Variants in MRTFA observed in about 807,000 individuals in gnomAD.
MRTFA encodes myocardin related transcription factor A.
Under a neutral mutation model 83.5 loss-of-function variants are expected in MRTFA, and 20 were observed. That is an observed-to-expected ratio of 0.24 (90% confidence interval 0.17 to 0.35). MRTFA has a LOEUF of 0.35. Ranked by LOEUF, MRTFA falls within the 10% of genes least tolerant of loss-of-function variation. The probability of loss-of-function intolerance (pLI) is 1.00; values close to 1 mark genes in which losing one functional copy is unlikely to be tolerated. For synonymous variants in MRTFA, 659 were observed against 541.2 expected (o/e 1.22, Z -3.02); for missense variants, 1,200 against 1,224.7 (o/e 0.98, Z 0.30).
chr22:40,480,281 T>A (rs2054066372), intron 3 of MRTFA, among the ~76,000 whole-genome samples: 1 of 152,082 alleles, frequency 6.6e-6, no homozygotes, highest in Admixed American at 6.5e-5. Flanking sequence ...TTTATTTTTT[T>A]TTTTTTATGT....
intron 3 of MRTFA, among the ~76,000 whole-genome samples, chr22:40,476,991 G>T (rs1237279254): frequency 1.3e-5 from 2 of 151,874 alleles, no homozygotes; most frequent in Admixed American, 6.6e-5. Flanking sequence ...CTGAATGTGG[G>T]GTTGGTTTTA....
chr22:40,453,940 C>G (rs932842067), intron 4 of MRTFA, among the ~76,000 whole-genome samples: 1 of 152,080 alleles, frequency 6.6e-6, no homozygotes, highest in African/African-American at 2.4e-5. Context: ...ACATCTACTC[C>G]CAGGAAGAGG....
At chr22:40,488,741 G>C (rs1006498899) in intron 3 of MRTFA, among the ~76,000 whole-genome samples, 1 of 151,998 alleles carries the variant, frequency 6.6e-6, no homozygotes, top group African/African-American at 2.4e-5. Context: ...GCTGAGGCAG[G>C]AGAATCACTT....
intron 11 of MRTFA, 144 bp from the exon 12 acceptor site, chr22:40,419,528 C>A (rs1039923364): frequency 7.3e-5 from 51 of 695,814 alleles, no homozygotes; most frequent in Non-Finnish European, 1.1e-4. Context: ...GGTGCAATGC[C>A]CCCCACCACC....
rs910658487 is a variant in MRTFA at position 40,634,256 on chromosome 22, CTTTAACTT to C, written c.-84+2214_-84+2221del. On this transcript the variant is annotated intron_variant, in intron 1 of 14. Transcript: ENST00000355630. ...GTGCAAGCCACCACGTCTGCTAATT[CTTTAACTT>C]TTTTGTGGAGACAAGCTATCATTAT... Among the ~76,000 whole-genome samples the C allele has an allele frequency of 2.6e-5, 4 of 152,188 alleles. No homozygotes were observed. In the East Asian group the frequency reaches 7.7e-4, roughly 29 times the overall value.
chr22:40,599,081 T>C (rs1160357999), intron 1 of MRTFA, among the ~76,000 whole-genome samples: 3 of 150,818 alleles, frequency 2.0e-5, no homozygotes, highest in Admixed American at 6.6e-5. Context: ...GCTGATCACC[T>C]GAGGTTGGGA....
At chr22:40,631,519 G>C (rs2056641724) in intron 1 of MRTFA, among the ~76,000 whole-genome samples, 1 of 152,114 alleles carries the variant, frequency 6.6e-6, no homozygotes. Context: ...CCGGCAAGTA[G>C]AGCCAGGATT....
At chr22:40,539,675 G>T (rs1206941524) in intron 3 of MRTFA, among the ~76,000 whole-genome samples, 1 of 151,584 alleles carries the variant, frequency 6.6e-6, no homozygotes, top group Non-Finnish European at 1.5e-5. Context: ...GCTAATTTTT[G>T]TATTTTTAAT....
chr22:40,529,977 C>G lies in MRTFA; in HGVS notation c.241+22129G>C, dbSNP rs1324381679. ...GGTGTGCATACATACATGCACAAGA[C>G]AGAGAGAGAAAAAACAAAGTGACTC... On this transcript the variant is annotated intron_variant, in intron 3 of 14. Coordinates refer to ENST00000355630, the MANE Select transcript of MRTFA (RefSeq NM_020831.6). Among the ~76,000 whole-genome samples the G allele has an allele frequency of 2.6e-5, 4 of 152,066 alleles. No individual in the cohort carries two copies. In the East Asian group the frequency reaches 7.7e-4, roughly 29 times the overall value.
chr22:40,469,213 G>T (rs1213950092), intron 3 of MRTFA, among the ~76,000 whole-genome samples: 3 of 152,164 alleles, frequency 2.0e-5, no homozygotes, highest in African/African-American at 7.2e-5. Flanking sequence ...CAAACCTCAT[G>T]CTGAGATATG....
chr22:40,491,450 G>A (rs958714077), intron 3 of MRTFA, among the ~76,000 whole-genome samples: 1 of 152,066 alleles, frequency 6.6e-6, no homozygotes, highest in African/African-American at 2.4e-5. Context: ...AAACTAAGAC[G>A]CAATACAAGT....
chr22:40,416,330 G>GC lies in MRTFA; in HGVS notation c.2578+655dup, dbSNP rs1015186067. On this transcript the variant is annotated intron_variant, in intron 14 of 14. Transcript: ENST00000355630. This position sits in a 1 kb window ranked among gnomAD's most constrained non-coding sequence, Gnocchi z 4.2. Reference sequence around the variant, plus strand: ...TGGGCCAAAGCCCAGCTCTCCAGTCGCCCCCCAACCTGGGGCTCCCTGCTT... The same window carrying GC: ...TGGGCCAAAGCCCAGCTCTCCAGTCGCCCCCCCAACCTGGGGCTCCCTGCTT... Among the ~76,000 whole-genome samples, 8 of 152,160 alleles carry GC rather than the reference G, an allele frequency of 5.3e-5. No homozygotes were observed. The highest frequency in any genetic ancestry group is 1.7e-4 in the African/African-American group (7 of 41,430).
chr22:40,605,195 G>C (rs1177383528), intron 1 of MRTFA, among the ~76,000 whole-genome samples: 3 of 151,988 alleles, frequency 2.0e-5, no homozygotes, highest in African/African-American at 7.2e-5. Context: ...TAACATACTA[G>C]ACAAAAAAGA....
chr22:40,581,518 T>G (rs945547005), intron 2 of MRTFA, among the ~76,000 whole-genome samples: 6 of 152,174 alleles, frequency 3.9e-5, no homozygotes, highest in Non-Finnish European at 7.3e-5. Flanking sequence ...TTTTATAATA[T>G]TTGCAAAATT....
chr22:40,603,374 A>G (rs2147398983), intron 1 of MRTFA, among the ~76,000 whole-genome samples: 1 of 152,348 alleles, frequency 6.6e-6, no homozygotes, highest in African/African-American at 2.4e-5. Context: ...AGATCTCCAA[A>G]TGGAAAAACT....
intron 4 of MRTFA, among the ~76,000 whole-genome samples, chr22:40,459,834 T>TAC (rs1190358309): frequency 1.5e-4 from 15 of 98,510 alleles, no homozygotes; most frequent in Non-Finnish European, 2.7e-4. Context: ...TATATACATA[T>TAC]ATATATATAT....
chr22:40,574,797 G>A (rs2055845683), intron 2 of MRTFA, among the ~76,000 whole-genome samples: 1 of 152,080 alleles, frequency 6.6e-6, no homozygotes, highest in South Asian at 2.1e-4. Flanking sequence ...TAAATTATAT[G>A]CAAATACTAC....
rs2053029936 is a variant in MRTFA at position 40,429,763 on chromosome 22, G to A, written c.444C>T (p.Thr148=). 6.2e-7 allele frequency: 1 copy of A among 1,611,158 alleles called. No homozygotes were observed. Among genetic ancestry groups the A allele is most frequent in the African/African-American group, 1.3e-5 (1 of 74,940 alleles). ...TGGCCTGGAGGGATGGCTCAGCCGA[G>A]GTCTCTGCCCATGGGAGAGAAAGGG... Residue 148 remains threonine, a synonymous_variant, in exon 7 of 15, where the codon ACC becomes ACT. Transcript: ENST00000355630.
intron 3 of MRTFA, among the ~76,000 whole-genome samples, chr22:40,474,901 T>C (rs184702518): frequency 9.9e-5 from 15 of 152,260 alleles, no homozygotes; most frequent in Non-Finnish European, 1.5e-4. Context: ...TGCAGTGGCA[T>C]GATTTTGGCT....
Sources: allele counts gnomAD v4.1 joint callset (sites outside exome capture counted in the v4.1 genomes callset), GRCh38; gene constraint gnomAD v4.1.1; non-coding constraint Gnocchi (gnomAD v3.1); transcripts MANE v1.5; gene names NCBI Gene and HGNC (gene_info 2026-07-23, HGNC 2026-07-21).